CD248: variants seen among roughly 807,000 people sequenced by gnomAD.
The protein encoded by CD248 is CD248 molecule.
Under a neutral mutation model 8.0 loss-of-function variants are expected in CD248, and 7 were observed. The ratio of observed to expected loss-of-function variants is 0.88; its 90% CI spans 0.50 to 1.64. CD248 has a LOEUF of 1.64. Ranked by LOEUF, CD248 falls within the 40% of genes most tolerant of loss-of-function variation. CD248 has a pLI of 0.00. For synonymous variants in CD248, 418 were observed against 437.1 expected (o/e 0.96, Z 0.54); for missense variants, 912 against 1,027.2 (o/e 0.89, Z 1.53).
Position 66,316,809 on chromosome 11 carries a change from C to T in CD248, c.219G>A (p.Leu73=), listed in dbSNP as rs757870293. The change falls in exon 1 of 1, where the codon CTG becomes CTA. Residue 73 remains leucine (L), a synonymous_variant. Coordinates refer to ENST00000311330, the MANE Select transcript of CD248 (RefSeq NM_020404.3). ...GCCGGCTGGCTGGGCCCGCACCCAC[C>T]AGGCTGTCCACACGCTGGGCCTCCT... The part of the protein sequence containing the change: ...TPEEAQRVDS[L]VGAGPASRLL... The T allele has an allele frequency of 3.2e-6, 5 of 1,584,174 alleles. No homozygotes were observed. The highest frequency in any genetic ancestry group is 4.3e-6 in the Non-Finnish European group (5 of 1,172,294).
In CD248 at chr11:66,315,402, C is replaced by G; in HGVS notation, c.1626G>C (p.Gln542His). 6.2e-7 allele frequency: 1 copy of G among 1,611,944 alleles called. No homozygotes were observed. The highest frequency in any genetic ancestry group is 8.5e-7 in the Non-Finnish European group (1 of 1,178,748). Residue 542 changes from glutamine to histidine, a missense_variant, in exon 1 of 1, where the codon CAG (glutamine) becomes CAC (histidine). Physicochemically the swap from Gln to His is conservative, Grantham distance 24. This residue lies in a region of CD248 where 507 missense variants were observed against 562.2 expected (regional missense o/e 0.90). Coordinates refer to ENST00000311330, the MANE Select transcript of CD248 (RefSeq NM_020404.3). This position sits in a 1 kb window ranked among gnomAD's most constrained non-coding sequence, Gnocchi z 4.3. The stretch of plus-strand genomic sequence containing the variant: ...GGATTCCAGGCAAATGAGTGGTGGT[C>G]TGGGTGCCAGCGACCCGGGTGTCTG... Reference protein sequence around the residue: ...MFPDTRVAGTQTTTHLPGIPP... With the variant: ...MFPDTRVAGTHTTTHLPGIPP...
At position 66,316,005 on chromosome 11, in the gene CD248, A is replaced by C. The variant is rs547161139; in HGVS notation, c.1023T>G (p.His341Gln). ...AGCTGATGCCATCAGCCTCCAGCTC[A>C]TGTCCCTCGCTACAATAACACTCGA... is the stretch of plus-strand genomic sequence containing the variant. ...GGFECYCSEG[H>Q]ELEADGISCS... is the part of the protein sequence containing the mutation. The change falls in exon 1 of 1, where the codon CAT becomes CAG. Residue 341 changes from histidine (H) to glutamine (Q), a missense_variant. This residue lies in a region of CD248 where 507 missense variants were observed against 562.2 expected (regional missense o/e 0.90). Transcript: ENST00000311330. 14 of 1,613,604 alleles carry C rather than the reference A, an allele frequency of 8.7e-6. No individual in the cohort carries two copies. Among genetic ancestry groups the C allele is most frequent in the Non-Finnish European group, 1.2e-5 (14 of 1,180,020 alleles).
chr11:66,316,815 G>C lies in CD248; in HGVS notation c.213C>G (p.Asp71Glu). 1 of 1,580,814 alleles carries C rather than the reference G, an allele frequency of 6.3e-7. No individual in the cohort carries two copies. The highest frequency in any genetic ancestry group is 8.5e-7 in the Non-Finnish European group (1 of 1,170,264). The change falls in exon 1 of 1, where the codon GAC becomes GAG. Residue 71 changes from aspartate to glutamate, a missense_variant. Around this residue, in one of 3 missense-constraint regions of CD248, gnomAD observed 403 missense variants for 446.2 expected, o/e 0.90. Transcript: ENST00000311330. The part of the protein sequence containing the change: ...PRTPEEAQRV[D>E]SLVGAGPASR... ...TGGCTGGGCCCGCACCCACCAGGCT[G>C]TCCACACGCTGGGCCTCCTCGGGGG...
Position 66,315,753 on chromosome 11 carries a change from C to T in CD248, c.1275G>A (p.Pro425=), listed in dbSNP as rs761013213. The T allele has an allele frequency of 1.6e-5, 25 of 1,610,906 alleles. No homozygotes were observed. In the East Asian group the frequency reaches 1.6e-4, roughly 10 times the overall value. Residue 425 remains proline, a synonymous_variant, in exon 1 of 1, where the codon CCG becomes CCA. Coordinates refer to ENST00000311330, the MANE Select transcript of CD248 (RefSeq NM_020404.3). The surrounding 1 kb of genome is among the most constrained non-coding windows in gnomAD (Gnocchi z 4.3). ...TGAGCGGGGGTGGCCAGGTGGGCTCCGGGTAGGGTATCTGTGGCTCTCTGT... is the reference window on the plus strand; with the variant it reads ...TGAGCGGGGGTGGCCAGGTGGGCTCTGGGTAGGGTATCTGTGGCTCTCTGT... ...PEDREPQIPY[P]EPTWPPPLSA...
At position 66,315,355 on chromosome 11, in the gene CD248, A is replaced by G. The variant is rs1854531058; in HGVS notation, c.1673T>C (p.Val558Ala). The G allele has an allele frequency of 6.3e-7, 1 of 1,595,930 alleles. No homozygotes were observed. Among genetic ancestry groups the G allele is most frequent in the African/African-American group, 1.3e-5 (1 of 74,540 alleles). The change falls in exon 1 of 1, where the codon GTC becomes GCC. Residue 558 changes from valine to alanine, a missense_variant. Val to Ala is a moderately conservative substitution (Grantham distance 64, BLOSUM62 0). This residue lies in a region of CD248 where 507 missense variants were observed against 562.2 expected (regional missense o/e 0.90). Transcript: ENST00000311330. This position sits in a 1 kb window ranked among gnomAD's most constrained non-coding sequence, Gnocchi z 4.3. ...GGGTAGCTGGGCACCGAGGGTGGTG[A>G]CCAGAGGGGCATGGTTAGGTGGGAT... ...PGIPPNHAPL[V>A]TTLGAQLPPQ...
At position 66,314,529 on chromosome 11, in the gene CD248, G is replaced by A. The variant is rs115152574; in HGVS notation, c.*225C>T. On this transcript the variant is annotated 3_prime_UTR_variant, in exon 1 of 1. Transcript: ENST00000311330. This position sits in a 1 kb window ranked among gnomAD's most constrained non-coding sequence, Gnocchi z 4.0. ...ACCCCATTTATTGGAGAAGACCCCA[G>A]CACCCGCCCCCTGAGGTCTTAAGGG... is the stretch of plus-strand genomic sequence containing the variant. 1.5e-3 allele frequency: 781 copies of A among 523,434 alleles called. 6 individuals are homozygous for A. Among genetic ancestry groups the A allele is most frequent in the African/African-American group, 0.014 (731 of 53,186 alleles). The allele number at this position is 523,434 out of a possible 1,614,324, so 32.4% of individuals were successfully genotyped here.
chr11:66,314,716 C>A lies in CD248; in HGVS notation c.*38G>T. 6.6e-7 allele frequency: 1 copy of A among 1,511,146 alleles called. No individual in the cohort carries two copies. Among genetic ancestry groups the A allele is most frequent in the South Asian group, 1.2e-5 (1 of 80,142 alleles). The allele number at this position is 1,511,146 out of a possible 1,614,324, so 93.6% of individuals were successfully genotyped here. On this transcript the variant is annotated 3_prime_UTR_variant, in exon 1 of 1. Coordinates refer to ENST00000311330, the MANE Select transcript of CD248 (RefSeq NM_020404.3). This position sits in a 1 kb window ranked among gnomAD's most constrained non-coding sequence, Gnocchi z 4.0. The stretch of plus-strand genomic sequence containing the variant: ...CCCTGGTGCAGCCCCGGCCATGTGT[C>A]CAGCGCCCCATACTCCATGAGGGGG...
rs79764462 is a variant in CD248, at chr11:66,314,742, G to T, written c.*12C>A. The T allele has an allele frequency of 3.9e-6, 6 of 1,544,508 alleles. No individual in the cohort carries two copies. The highest frequency in any genetic ancestry group is 2.7e-5 in the African/African-American group (2 of 72,916). The stretch of plus-strand genomic sequence containing the variant: ...CAGCGCCCCATACTCCATGAGGGGG[G>T]TCTGCACCCCATCACACGCTGGTTC... On this transcript the variant is annotated 3_prime_UTR_variant, in exon 1 of 1. Coordinates refer to ENST00000311330, the MANE Select transcript of CD248 (RefSeq NM_020404.3). This position sits in a 1 kb window ranked among gnomAD's most constrained non-coding sequence, Gnocchi z 4.0.
Position 66,315,810 on chromosome 11 carries a change from A to G in CD248, c.1218T>C (p.Phe406=). The change falls in exon 1 of 1, where the codon TTT becomes TTC. Residue 406 remains phenylalanine, a synonymous_variant. Transcript: ENST00000311330. This position sits in a 1 kb window ranked among gnomAD's most constrained non-coding sequence, Gnocchi z 4.3. ...GGAAGCTCGGTCTATAGGCCAGGGCAAAGTCAGGCGGCTGCGTAGGCTCCA... is the reference window on the plus strand; with the variant it reads ...GGAAGCTCGGTCTATAGGCCAGGGCGAAGTCAGGCGGCTGCGTAGGCTCCA... ...LWMEPTQPPD[F]ALAYRPSFPE... 6.2e-7 allele frequency: 1 copy of G among 1,613,926 alleles called. No individual in the cohort carries two copies. Among genetic ancestry groups the G allele is most frequent in the Non-Finnish European group, 8.5e-7 (1 of 1,179,956 alleles).
At position 66,314,795 on chromosome 11, in the gene CD248, C is replaced by T. The variant is rs1431035318; in HGVS notation, c.2233G>A (p.Gly745Ser). Reference protein sequence around the residue: ...KSPTEPMPPRGSLTGVQTCRT... With the variant: ...KSPTEPMPPRSSLTGVQTCRT... ...CAGGTCTGCACCCCTGTGAGGCTGC[C>T]CCTGGGGGGCATGGGTTCTGTTGGG... is the stretch of plus-strand genomic sequence containing the variant. Residue 745 changes from glycine to serine, a missense_variant, in exon 1 of 1, where the codon GGC (glycine) becomes AGC (serine). Transcript: ENST00000311330. The surrounding 1 kb of genome is among the most constrained non-coding windows in gnomAD (Gnocchi z 4.0). 1 of 1,558,424 alleles carries T rather than the reference C, an allele frequency of 6.4e-7. No individual in the cohort carries two copies. Among genetic ancestry groups the T allele is most frequent in the South Asian group, 1.2e-5 (1 of 84,754 alleles).
At position 66,316,365 on chromosome 11, in the gene CD248, C is replaced by T; in HGVS notation, c.663G>A (p.Val221=). 1 of 1,612,040 alleles carries T rather than the reference C, an allele frequency of 6.2e-7. No individual in the cohort carries two copies. The change falls in exon 1 of 1, where the codon GTG becomes GTA. Residue 221 remains valine, a synonymous_variant. Coordinates refer to ENST00000311330, the MANE Select transcript of CD248 (RefSeq NM_020404.3). ...ACAGGGGCCCAGCCCGTGACCAGCC[C>T]ACACCTCCCTCAGGCTGCTTCACGC... ...LLCVKQPEGG[V]GWSRAGPLCL...
At position 66,316,767 on chromosome 11, in the gene CD248, C is replaced by T. The variant is rs773262938; in HGVS notation, c.261G>A (p.Leu87=). 1 of 1,598,234 alleles carries T rather than the reference C, an allele frequency of 6.3e-7. No homozygotes were observed. Among genetic ancestry groups the T allele is most frequent in the South Asian group, 1.1e-5 (1 of 90,892 alleles). ...GCTGGCATTGCCGGGCCTGCCGCTG[C>T]AGCCCGATCCACAGCAGCCGGCTGG... The part of the protein sequence containing the change: ...GPASRLLWIG[L]QRQARQCQLQ... The change falls in exon 1 of 1, where the codon CTG becomes CTA. Residue 87 remains leucine (L), a synonymous_variant. Coordinates refer to ENST00000311330, the MANE Select transcript of CD248 (RefSeq NM_020404.3).
Position 66,315,922 on chromosome 11 carries a change from A to T in CD248, c.1106T>A (p.Leu369Gln). 6.2e-7 allele frequency: 1 copy of T among 1,613,528 alleles called. No individual in the cohort carries two copies. Among genetic ancestry groups the T allele is most frequent in the Non-Finnish European group, 8.5e-7 (1 of 1,180,004 alleles). ...ATCTTCCTCATCCTCCCCGTCATCC[A>T]GCAACTCATCTCCGAGGTCCTGGGA... is the stretch of plus-strand genomic sequence containing the variant. ...QASQDLGDELLDDGEDEEDED... is the reference protein window; with the variant it reads ...QASQDLGDELQDDGEDEEDED... Residue 369 changes from leucine to glutamine, a missense_variant, in exon 1 of 1, where the codon CTG becomes CAG. This residue lies in a region of CD248 where 507 missense variants were observed against 562.2 expected (regional missense o/e 0.90). Coordinates refer to ENST00000311330, the MANE Select transcript of CD248 (RefSeq NM_020404.3). This position sits in a 1 kb window ranked among gnomAD's most constrained non-coding sequence, Gnocchi z 4.3.
chr11:66,315,144 G>A lies in CD248; in HGVS notation c.1884C>T (p.Asn628=), dbSNP rs1228417396. Residue 628 remains asparagine, a synonymous_variant, in exon 1 of 1, where the codon AAC becomes AAT. Coordinates refer to ENST00000311330, the MANE Select transcript of CD248 (RefSeq NM_020404.3). This position sits in a 1 kb window ranked among gnomAD's most constrained non-coding sequence, Gnocchi z 4.3. The stretch of plus-strand genomic sequence containing the variant: ...GTGTAGGGCTGATGGGTGAGGTCTG[G>A]TTAGTGGGGCTCTGAGAGGGCAGGA... The part of the protein sequence containing the change: ...PTLLPSQSPT[N]QTSPISPTHP... 1 of 1,533,046 alleles carries A rather than the reference G, an allele frequency of 6.5e-7. No homozygotes were observed. Among genetic ancestry groups the A allele is most frequent in the Non-Finnish European group, 8.8e-7 (1 of 1,141,604 alleles). The allele number at this position is 1,533,046 out of a possible 1,614,324, so 95.0% of individuals were successfully genotyped here.
chr11:66,315,656 G>A lies in CD248; in HGVS notation c.1372C>T (p.Pro458Ser). 1.2e-6 allele frequency: 2 copies of A among 1,613,914 alleles called. No homozygotes were observed. The highest frequency in any genetic ancestry group is 1.7e-6 in the Non-Finnish European group (2 of 1,179,942). Residue 458 changes from proline (P) to serine (S), a missense_variant, in exon 1 of 1, where the codon CCC (proline) becomes TCC (serine). Coordinates refer to ENST00000311330, the MANE Select transcript of CD248 (RefSeq NM_020404.3). The surrounding 1 kb of genome is among the most constrained non-coding windows in gnomAD (Gnocchi z 4.3). The part of the protein sequence containing the change: ...TRPVVVSATH[P>S]TLPSAHQPPV... ...GGCTGGTGGGCAGAAGGCAGTGTGG[G>A]ATGCGTGGCAGAGACCACCACAGGC...
At position 66,316,787 on chromosome 11, in the gene CD248, G is replaced by A. The variant is rs541032235; in HGVS notation, c.241C>T (p.Arg81Trp). The change falls in exon 1 of 1, where the codon CGG becomes TGG. Residue 81 changes from arginine to tryptophan, a missense_variant. Physicochemically the swap from Arg to Trp is moderately radical, Grantham distance 101. This residue lies in a region of CD248 where 403 missense variants were observed against 446.2 expected (regional missense o/e 0.90). Transcript: ENST00000311330. The part of the protein sequence containing the change: ...DSLVGAGPAS[R>W]LLWIGLQRQA... ...CGCTGCAGCCCGATCCACAGCAGCC[G>A]GCTGGCTGGGCCCGCACCCACCAGG... The A allele has an allele frequency of 1.4e-5, 23 of 1,594,024 alleles. No individual in the cohort carries two copies. Among genetic ancestry groups the A allele is most frequent in the Admixed American group, 3.4e-5 (2 of 59,608 alleles).
rs1361299575 is a variant in CD248 at position 66,316,906 on chromosome 11, C to T, written c.122G>A (p.Arg41His). The T allele has an allele frequency of 2.6e-6, 4 of 1,557,998 alleles. No individual in the cohort carries two copies. The highest frequency in any genetic ancestry group is 4.7e-5 in the East Asian group (2 of 42,852). The change falls in exon 1 of 1, where the codon CGC becomes CAC. Residue 41 changes from arginine (R) to histidine (H), a missense_variant. This residue lies in a region of CD248 where 403 missense variants were observed against 446.2 expected (regional missense o/e 0.90). Coordinates refer to ENST00000311330, the MANE Select transcript of CD248 (RefSeq NM_020404.3). Reference sequence around the variant, plus strand: ...CCGCCAGGCCTCCAGGAAGGTGCGGCGCCGTGGGAAGAGAGCGTAGCAGCT... The same window carrying T: ...CCGCCAGGCCTCCAGGAAGGTGCGGTGCCGTGGGAAGAGAGCGTAGCAGCT... Reference protein sequence around the residue: ...PSSCYALFPRRRTFLEAWRAC... With the variant: ...PSSCYALFPRHRTFLEAWRAC...
Position 66,314,680 on chromosome 11 carries a change from C to A in CD248, c.*74G>T, listed in dbSNP as rs1854521679. On this transcript the variant is annotated 3_prime_UTR_variant, in exon 1 of 1. Coordinates refer to ENST00000311330, the MANE Select transcript of CD248 (RefSeq NM_020404.3). The surrounding 1 kb of genome is among the most constrained non-coding windows in gnomAD (Gnocchi z 4.0). ...GGAAGCCATCTGTCCAGCTGGGCAG[C>A]CCCCATGGGTCCCTGGTGCAGCCCC... The A allele has an allele frequency of 2.3e-6, 3 of 1,310,486 alleles. No homozygotes were observed. The highest frequency in any genetic ancestry group is 3.1e-6 in the Non-Finnish European group (3 of 957,960). The allele number at this position is 1,310,486 out of a possible 1,614,324, so 81.2% of individuals were successfully genotyped here.
Position 66,316,856 on chromosome 11 carries a change from G to A in CD248, c.172C>T (p.Leu58=). 1 of 1,551,008 alleles carries A rather than the reference G, an allele frequency of 6.4e-7. No homozygotes were observed. The highest frequency in any genetic ancestry group is 8.7e-7 in the Non-Finnish European group (1 of 1,155,710). Residue 58 remains leucine (L), a synonymous_variant, in exon 1 of 1, where the codon CTG becomes TTG. Coordinates refer to ENST00000311330, the MANE Select transcript of CD248 (RefSeq NM_020404.3). ...WRACRELGGD[L]ATPRTPEEAQ... ...TCCTCGGGGGTCCGAGGAGTGGCCA[G>A]GTCGCCCCCCAGCTCGCGGCAGGCC...
Sources: gnomAD v4.1 joint callset for allele counts on GRCh38, gnomAD v4.1.1 for gene constraint, gnomAD v4.1.1 regional missense constraint, Gnocchi (gnomAD v3.1) non-coding constraint, MANE v1.5 for transcripts, NCBI Gene and HGNC (gene_info 2026-07-23, HGNC 2026-07-21) for gene names.